NSD1: variants seen among roughly 807,000 people sequenced by gnomAD.
NSD1 encodes histone-lysine N-methyltransferase, H3 lysine-36 specific.
In NSD1, 26 loss-of-function variants were observed where a neutral mutation model predicts 242.7. The ratio of observed to expected loss-of-function variants is 0.11; its 90% CI spans 0.08 to 0.15. The LOEUF is 0.15. Ranked by LOEUF, NSD1 falls within the 10% of genes least tolerant of loss-of-function variation. NSD1 has a pLI of 1.00. For synonymous variants in NSD1, 1,106 were observed against 1,178.1 expected (o/e 0.94, Z 1.25); for missense variants, 2,495 against 3,272.8 (o/e 0.76, Z 5.80).
intron 4 of NSD1, among the ~76,000 whole-genome samples, chr5:177,207,006 G>A (rs544129491): frequency 7.6e-4 from 115 of 151,484 alleles, no homozygotes; most frequent in African/African-American, 2.7e-3. Context: ...GCATGATCTC[G>A]GCTCACCGCA....
At chr5:177,234,233 GTTTC>G (rs1417159417) in intron 5 of NSD1, among the ~76,000 whole-genome samples, 3 of 152,156 alleles carry the variant, frequency 2.0e-5, no homozygotes, top group African/African-American at 4.8e-5. Flanking sequence ...AGAGGCTCCC[GTTTC>G]TTTGTTCAAC....
chr5:177,213,750 C>T (rs933719088), intron 5 of NSD1, among the ~76,000 whole-genome samples: 2 of 152,160 alleles, frequency 1.3e-5, no homozygotes, highest in African/African-American at 4.8e-5. Context: ...GGATTACAGG[C>T]GTGAGCCACT....
intron 2 of NSD1, among the ~76,000 whole-genome samples, chr5:177,152,315 G>GTGTGTGTATGTATGTA (rs1202922707): frequency 7.1e-6 from 1 of 140,414 alleles, no homozygotes; most frequent in Non-Finnish European, 1.5e-5. Context: ...CAGGTTGTGT[G>GTGTGTGTATGTATGTA]TGTGTGTATG....
At chr5:177,266,077 G>A in intron 14 of NSD1, 1 of 1,119,836 alleles carries the variant, frequency 8.9e-7, no homozygotes, top group Non-Finnish European at 1.4e-6. Context: ...TGTACTGCCG[G>A]TCCTCGGTGG....
chr5:177,193,760 T>C (rs1488209867), intron 3 of NSD1, among the ~76,000 whole-genome samples: 3 of 152,140 alleles, frequency 2.0e-5, no homozygotes, highest in Admixed American at 1.3e-4. Context: ...CAATTGATAT[T>C]AATTTTTGTT....
At chr5:177,262,797 C>G (rs1176603377) in intron 14 of NSD1, among the ~76,000 whole-genome samples, 15 of 152,170 alleles carry the variant, frequency 9.9e-5, no homozygotes, top group Admixed American at 9.2e-4. Flanking sequence ...GAGAATTGCT[C>G]TGTTCTGTTG....
intron 3 of NSD1, among the ~76,000 whole-genome samples, chr5:177,193,251 C>T (rs1761842102): frequency 6.6e-6 from 1 of 152,126 alleles, no homozygotes. Context: ...TGCCATTCTC[C>T]TGCCTCAGCC....
At chr5:177,256,275 CTTTTTTTTTTTTTT>C (rs147226070) in intron 12 of NSD1, among the ~76,000 whole-genome samples, 3 of 76,852 alleles carry the variant, frequency 3.9e-5, no homozygotes, top group Admixed American at 1.7e-4. Context: ...TGCCCCCACA[CTTTTTTTTTTTTTT>C]TTTTTTTTTT....
chr5:177,212,484 TC>T lies in NSD1; in HGVS notation c.3796+290del, dbSNP rs1562214821. ...CTTTCTCTCTCTCTCTTTCTCTCTC[TC>T]TCTTTTTTTTTTTTTTCTAATTTTT... On this transcript the variant is annotated intron_variant, in intron 5 of 22. Coordinates refer to ENST00000439151, the MANE Select transcript of NSD1 (RefSeq NM_022455.5). 0.014 allele frequency among the ~76,000 whole-genome samples: 1,563 copies of T among 112,926 alleles called. 28 individuals are homozygous for T. Among genetic ancestry groups the T allele is most frequent in the African/African-American group, 0.071 (1,496 of 21,020 alleles). The allele number at this position is 112,926 out of a possible 152,430, so 74.1% of individuals were successfully genotyped here.
At chr5:177,258,106 G>T (rs1344521884) in intron 13 of NSD1, among the ~76,000 whole-genome samples, 1 of 144,986 alleles carries the variant, frequency 6.9e-6, no homozygotes, top group Non-Finnish European at 1.5e-5. Flanking sequence ...TCAGCCTCCC[G>T]AGTAGCTGGG....
intron 13 of NSD1, among the ~76,000 whole-genome samples, chr5:177,257,842 A>ATTTTTTTTTT (rs1160063323): frequency 7.0e-6 from 1 of 143,098 alleles, no homozygotes; most frequent in East Asian, 2.1e-4. Context: ...ATTTTATTTT[A>ATTTTTTTTTT]TTTTTTTTTG....
rs1291543083 is a variant in NSD1, at chr5:177,169,504, C to A, written c.928-22380C>A. 6 of 160,696 alleles carry A rather than the reference C, an allele frequency of 3.7e-5. No homozygotes were observed. In the South Asian group the frequency reaches 4.9e-4, roughly 13 times the overall value. The allele number at this position is 160,696 out of a possible 1,614,324, so 10.0% of individuals were successfully genotyped here. A position where few individuals can be genotyped will look rare whatever the true frequency, so the allele number is the denominator to read the frequency against. On this transcript the variant is annotated intron_variant, in intron 2 of 22. Transcript: ENST00000439151. ...CAACTTCCCATGGCCGGCTACTACT[C>A]CTCATCTTCAAGGGTCTCGCCTGCT...
At chr5:177,267,184 G>C (rs1757561783) in intron 14 of NSD1, among the ~76,000 whole-genome samples, 1 of 152,188 alleles carries the variant, frequency 6.6e-6, no homozygotes, top group African/African-American at 2.4e-5. Flanking sequence ...TAAAAGGAGG[G>C]AAGGAACTAA....
intron 22 of NSD1, among the ~76,000 whole-genome samples, chr5:177,292,851 G>C (rs1759951938): frequency 6.6e-6 from 1 of 152,076 alleles, no homozygotes; most frequent in South Asian, 2.1e-4. Context: ...CTATTTTAAT[G>C]AACAAAAAAG....
At chr5:177,173,685 C>G (rs1006155365) in intron 2 of NSD1, among the ~76,000 whole-genome samples, 1 of 152,006 alleles carries the variant, frequency 6.6e-6, no homozygotes, top group Non-Finnish European at 1.5e-5. Flanking sequence ...GTTGGTCAGG[C>G]TGGTCTCGAA....
rs137906965 is a variant in NSD1, at chr5:177,154,318, T to G, written c.927+18288T>G. ...GGATTACACAAAGGCATGAATACCA[T>G]CAGGCTGGGATAATTGGGGGCCAGC... On this transcript the variant is annotated intron_variant, in intron 2 of 22. Coordinates refer to ENST00000439151, the MANE Select transcript of NSD1 (RefSeq NM_022455.5). Among the ~76,000 whole-genome samples the G allele has an allele frequency of 7.4e-4, 112 of 152,224 alleles. 2 individuals carry two copies. Among genetic ancestry groups the G allele is most frequent in the Admixed American group, 5.8e-3 (88 of 15,258 alleles).
chr5:177,161,234 T>G (rs1385082604), intron 2 of NSD1, among the ~76,000 whole-genome samples: 1 of 151,900 alleles, frequency 6.6e-6, no homozygotes, highest in Non-Finnish European at 1.5e-5. Context: ...AAAAATAAAT[T>G]AGCTGGGTGG....
intron 4 of NSD1, among the ~76,000 whole-genome samples, chr5:177,205,502 T>G (rs1313439992): frequency 6.6e-6 from 1 of 151,576 alleles, no homozygotes; most frequent in Non-Finnish European, 1.5e-5. Flanking sequence ...TTTAATACTC[T>G]TTTTTCCTCC....
chr5:177,227,195 C>A (rs576520670), intron 5 of NSD1, among the ~76,000 whole-genome samples: 2 of 152,152 alleles, frequency 1.3e-5, no homozygotes, highest in South Asian at 4.1e-4. Context: ...GTTTACTATA[C>A]TGGTTTTGTA....
Sources: gnomAD v4.1 joint callset for allele counts (sites outside exome capture counted in the v4.1 genomes callset) on GRCh38, gnomAD v4.1.1 for gene constraint, MANE v1.5 for transcripts, NCBI Gene and HGNC (gene_info 2026-07-23, HGNC 2026-07-21) for gene names.